The following CCDC169 variants were observed in gnomAD, a reference collection of about 807,000 sequenced individuals.
The protein encoded by CCDC169 is coiled-coil domain-containing protein 169.
CCDC169 carries 30 observed loss-of-function variants against 36.0 expected under a neutral mutation model. The observed-to-expected ratio is 0.83, with a 90% CI of 0.62 to 1.13. The LOEUF (loss-of-function observed/expected upper bound fraction) is 1.13, where lower values mean the gene tolerates loss of function less well. CCDC169 is among the 50% of genes most tolerant of loss of function. The probability of loss-of-function intolerance (pLI) is 0.00; values close to 1 mark genes in which losing one functional copy is unlikely to be tolerated. For missense variants in CCDC169, 245 were observed against 245.9 expected (o/e 1.00, Z 0.03); for synonymous variants, 85 against 81.5 (o/e 1.04, Z -0.23).
downstream of CCDC169, among the ~76,000 whole-genome samples, chr13:36,229,731 A>G (rs1870215889): frequency 6.6e-6 from 1 of 151,866 alleles, no homozygotes; most frequent in Non-Finnish European, 1.5e-5. Context: ...TTTAGTAGAG[A>G]CAAGTTTTGC....
chr13:36,291,192 A>C (rs750588194), intron 2 of CCDC169, among the ~76,000 whole-genome samples: 2 of 152,208 alleles, frequency 1.3e-5, no homozygotes, highest in Non-Finnish European at 2.9e-5. Context: ...AAGACTGACA[A>C]GACAGACTCT....
At chr13:36,249,730 G>A (rs34649298) in intron 6 of CCDC169, among the ~76,000 whole-genome samples, 21,590 of 126,362 alleles carry the variant, frequency 0.17, 1,720 homozygotes, top group Non-Finnish European at 0.23. Context: ...AAAAATATGC[G>A]AAGGGATATT....
At chr13:36,255,975 A>G (rs1873827717) in intron 4 of CCDC169, among the ~76,000 whole-genome samples, 1 of 152,286 alleles carries the variant, frequency 6.6e-6, no homozygotes, top group South Asian at 2.1e-4. Context: ...CAGGGAGGTC[A>G]GTTGTCCCAC....
downstream of CCDC169, chr13:36,227,448 G>T (rs1486033919): frequency 7.2e-7 from 1 of 1,386,380 alleles, no homozygotes; most frequent in Admixed American, 2.9e-5. Flanking sequence ...TAATAAAGCA[G>T]ATATTCCAAC....
chr13:36,286,273 G>T (rs913814982), intron 2 of CCDC169, among the ~76,000 whole-genome samples: 1 of 152,192 alleles, frequency 6.6e-6, no homozygotes, highest in African/African-American at 2.4e-5. Flanking sequence ...CTGGTGCAAA[G>T]AAAGTGACCT....
intron 1 of CCDC169, 105 bp from the exon 2 acceptor site, chr13:36,295,962 C>G: frequency 1.6e-6 from 1 of 639,312 alleles, no homozygotes. Context: ...TACTATGACA[C>G]ATTATTTACT....
At chr13:36,227,056 G>A, downstream of CCDC169, 1 of 448,968 alleles carries the variant, frequency 2.2e-6, no homozygotes, top group Non-Finnish European at 3.9e-6. Context: ...GTTGGAAGAA[G>A]TTTCATTCAG....
chr13:36,228,653 A>T (rs1257359877), downstream of CCDC169, among the ~76,000 whole-genome samples: 1 of 152,116 alleles, frequency 6.6e-6, no homozygotes, highest in Non-Finnish European at 1.5e-5. Context: ...GCCTGGCTCA[A>T]GTGATCCTCC....
intron 4 of CCDC169, among the ~76,000 whole-genome samples, chr13:36,271,836 G>A (rs1334934447): frequency 6.6e-6 from 1 of 151,964 alleles, no homozygotes; most frequent in Non-Finnish European, 1.5e-5. Context: ...TATAATCCCA[G>A]CACTTTGGGA....
In CCDC169 at chr13:36,245,443, T is replaced by G. The variant is rs558958625; in HGVS notation, c.545+3163A>C. On this transcript the variant is annotated intron_variant, in intron 7 of 7. Transcript: ENST00000239859. ...GCCTCCCAAGCAGCTGGGACTACAG[T>G]GCACACCATCACACCCAGTCAATTT... Among the ~76,000 whole-genome samples the G allele has an allele frequency of 3.4e-4, 52 of 151,642 alleles. 1 individual carries two copies. The highest frequency in any genetic ancestry group is 6.9e-4 in the Non-Finnish European group (47 of 67,854).
chr13:36,268,103 A>G (rs901716718), intron 4 of CCDC169, among the ~76,000 whole-genome samples: 2 of 152,220 alleles, frequency 1.3e-5, no homozygotes, highest in Non-Finnish European at 2.9e-5. Flanking sequence ...AACTTAAATG[A>G]CACTCCAGAA....
chr13:36,288,605 A>G (rs1322155915), intron 2 of CCDC169, among the ~76,000 whole-genome samples: 2 of 152,214 alleles, frequency 1.3e-5, no homozygotes, highest in African/African-American at 4.8e-5. Flanking sequence ...AAATCCTAAC[A>G]TCTGATAAAC....
intron 4 of CCDC169, among the ~76,000 whole-genome samples, chr13:36,276,089 A>G (rs942334988): frequency 7.2e-5 from 11 of 152,214 alleles, no homozygotes; most frequent in Admixed American, 6.5e-4. Flanking sequence ...AAGCTGAAAC[A>G]TATGTCTGAA....
At chr13:36,241,946 C>G (rs559523489) in intron 7 of CCDC169, among the ~76,000 whole-genome samples, 1 of 152,042 alleles carries the variant, frequency 6.6e-6, no homozygotes, top group Non-Finnish European at 1.5e-5. Context: ...TGGGTTCTCA[C>G]GAAATCTGGT....
chr13:36,230,678 T>C (rs1593982523), downstream of CCDC169: 1 of 769,332 alleles, frequency 1.3e-6, no homozygotes, highest in Non-Finnish European at 1.6e-6. Flanking sequence ...CCTAAGTTCA[T>C]GGCAGAGTGG....
intron 4 of CCDC169, among the ~76,000 whole-genome samples, chr13:36,257,519 A>G (rs1874049608): frequency 6.6e-6 from 1 of 151,860 alleles, no homozygotes; most frequent in Non-Finnish European, 1.5e-5. Flanking sequence ...CCTGGCCAAT[A>G]TGGTGAAACC....
chr13:36,272,230 A>C (rs996732701), intron 4 of CCDC169, among the ~76,000 whole-genome samples: 1 of 151,858 alleles, frequency 6.6e-6, no homozygotes, highest in Non-Finnish European at 1.5e-5. Flanking sequence ...CAAAAAAAAA[A>C]AACCATTTGT....
chr13:36,236,305 TA>T, intron 7 of CCDC169, among the ~76,000 whole-genome samples: 1 of 152,086 alleles, frequency 6.6e-6, no homozygotes, highest in Non-Finnish European at 1.5e-5. Context: ...GATAGAGTTA[TA>T]GATCAATGAA....
In CCDC169 at chr13:36,248,667, G is replaced by T; in HGVS notation, c.484C>A (p.Gln162Lys). The change falls in exon 7 of 8, where the codon CAA becomes AAA. Residue 162 changes from glutamine to lysine, a missense_variant. By Grantham distance (53) the Gln-to-Lys change is moderately conservative. Transcript: ENST00000239859. ...AEMSQGSGLH[Q>K]VSKRQQVDQL... ...TCCACCTGTTGCCTTTTAGAAACTT[G>T]ATGTAAACCAGAACCCTGAAATACA... The T allele has an allele frequency of 1.3e-6, 2 of 1,550,376 alleles. No homozygotes were observed. The highest frequency in any genetic ancestry group is 8.7e-7 in the Non-Finnish European group (1 of 1,146,218).
Sources: gnomAD v4.1 joint callset for allele counts (sites outside exome capture counted in the v4.1 genomes callset) on GRCh38, gnomAD v4.1.1 for gene constraint, MANE v1.5 for transcripts, NCBI Gene and HGNC (gene_info 2026-07-23, HGNC 2026-07-21) for gene names.